The following CELF4 variants were observed in gnomAD, a reference collection of about 807,000 sequenced individuals.
The protein encoded by CELF4 is CUGBP Elav-like family member 4.
A neutral mutation model predicts 59.9 loss-of-function variants in CELF4; 18 were observed. The observed-to-expected ratio is 0.30, with a 90% confidence interval of 0.21 to 0.45. The LOEUF (loss-of-function observed/expected upper bound fraction) is 0.45, where lower values mean the gene tolerates loss of function less well. CELF4 is among the 20% of genes least tolerant of loss of function. The probability of loss-of-function intolerance (pLI) is 1.00; values close to 1 mark genes in which losing one functional copy is unlikely to be tolerated. For synonymous variants in CELF4, 261 were observed against 267.1 expected, an observed-to-expected ratio of 0.98 and a Z score of 0.22; for missense variants, 456 against 689.0, an observed-to-expected ratio of 0.66 and a Z score of 3.79.
At chr18:37,374,646 G>A (rs1456639040) in intron 2 of CELF4, among the ~76,000 whole-genome samples, 4 of 152,186 alleles carry the variant, frequency 2.6e-5, no homozygotes, top group African/African-American at 9.7e-5. Context: ...GAAGACGTGG[G>A]GGCATTGTTC....
chr18:37,364,187 G>A (rs2098746204), intron 2 of CELF4, among the ~76,000 whole-genome samples: 1 of 152,176 alleles, frequency 6.6e-6, no homozygotes. Flanking sequence ...GTCAGTGGGT[G>A]CATGTGCCCC....
At chr18:37,368,875 A>G (rs763823280) in intron 2 of CELF4, among the ~76,000 whole-genome samples, 1 of 152,228 alleles carries the variant, frequency 6.6e-6, no homozygotes, top group African/African-American at 2.4e-5. Flanking sequence ...GTGTGCAAAC[A>G]TGAAGACCTG....
At chr18:37,304,493 A>G (rs766805974) in intron 3 of CELF4, among the ~76,000 whole-genome samples, 24 of 152,242 alleles carry the variant, frequency 1.6e-4, no homozygotes, top group Non-Finnish European at 2.8e-4. Flanking sequence ...GGAGGGCTTC[A>G]TGCAGGAGGT....
chr18:37,494,931 G>C (rs534871286), intron 1 of CELF4, among the ~76,000 whole-genome samples: 1 of 152,304 alleles, frequency 6.6e-6, no homozygotes, highest in South Asian at 2.1e-4. Flanking sequence ...CACCCAAGTA[G>C]AGTCAGCTGA....
intron 2 of CELF4, among the ~76,000 whole-genome samples, chr18:37,449,346 A>T (rs748885972): frequency 6.6e-6 from 1 of 152,144 alleles, no homozygotes; most frequent in Non-Finnish European, 1.5e-5. Context: ...GGACAGGGAA[A>T]GGAAGAAGCG....
intron 2 of CELF4, among the ~76,000 whole-genome samples, chr18:37,424,227 A>G (rs2099598156): frequency 1.3e-5 from 2 of 152,154 alleles, no homozygotes; most frequent in South Asian, 2.1e-4. Context: ...CTTTATCCCA[A>G]GAGGGCTTAT....
intron 1 of CELF4, among the ~76,000 whole-genome samples, chr18:37,563,511 A>G (rs1191561138): frequency 1.3e-5 from 2 of 152,186 alleles, no homozygotes; most frequent in African/African-American, 4.8e-5. Flanking sequence ...AACCTTGATT[A>G]GCTTCTAGGA....
At chr18:37,327,926 G>C (rs139649518) in intron 2 of CELF4, among the ~76,000 whole-genome samples, 139 of 152,310 alleles carry the variant, frequency 9.1e-4, no homozygotes, top group African/African-American at 3.3e-3. Context: ...CCAAAGTCTA[G>C]GTTTGAAGCT....
At chr18:37,505,348 G>T (rs544695949) in intron 1 of CELF4, among the ~76,000 whole-genome samples, 1 of 152,314 alleles carries the variant, frequency 6.6e-6, no homozygotes, top group Admixed American at 6.5e-5. Context: ...TCTCCGCTTA[G>T]ATTCCTGGTT....
chr18:37,349,121 C>G (rs2154552758), intron 2 of CELF4, among the ~76,000 whole-genome samples: 1 of 152,332 alleles, frequency 6.6e-6, no homozygotes, highest in East Asian at 1.9e-4. Context: ...GGGGGAGGTG[C>G]TGGACACAGT....
intron 2 of CELF4, among the ~76,000 whole-genome samples, chr18:37,340,840 C>G (rs2097988508): frequency 6.6e-6 from 1 of 152,212 alleles, no homozygotes; most frequent in Non-Finnish European, 1.5e-5. Context: ...CACAGGCAAC[C>G]CTGGTTTGAA....
chr18:37,402,449 C>T (rs2099341367), intron 2 of CELF4, among the ~76,000 whole-genome samples: 1 of 152,158 alleles, frequency 6.6e-6, no homozygotes, highest in East Asian at 1.9e-4. Context: ...GGAGCTGCCC[C>T]TTCTCTAACC....
intron 1 of CELF4, among the ~76,000 whole-genome samples, chr18:37,543,588 G>A (rs909067255): frequency 2.0e-5 from 3 of 152,200 alleles, no homozygotes; most frequent in African/African-American, 4.8e-5. Context: ...GAGCAAGAAC[G>A]CAGCCTAGGT....
At chr18:37,275,955 A>G (rs1195922970) in intron 3 of CELF4, 1 of 152,262 alleles carries the variant, frequency 6.6e-6, no homozygotes, top group African/African-American at 2.4e-5. Flanking sequence ...TGCCTGGAGC[A>G]CAGGAGGCCC....
At chr18:37,321,963 A>G (rs2154522019) in intron 2 of CELF4, 82 bp from the exon 3 acceptor site, 1 of 1,124,926 alleles carries the variant, frequency 8.9e-7, no homozygotes, top group Non-Finnish European at 1.3e-6. Flanking sequence ...TGCACAGGTG[A>G]ATGCGAGTAT....
chr18:37,366,925 G>A (rs1173450292), intron 2 of CELF4, among the ~76,000 whole-genome samples: 2 of 152,130 alleles, frequency 1.3e-5, no homozygotes, highest in Non-Finnish European at 2.9e-5. Flanking sequence ...TCTTCTGGGT[G>A]GCCCCTTCTT....
At chr18:37,490,884 C>G (rs941225641) in intron 1 of CELF4, among the ~76,000 whole-genome samples, 1 of 152,144 alleles carries the variant, frequency 6.6e-6, no homozygotes, top group Non-Finnish European at 1.5e-5. Context: ...GGATGGTTCT[C>G]CCGGCACCAG....
intron 12 of CELF4, chr18:37,247,338 G>GGAGAGAGA (rs2062609185): frequency 3.0e-5 from 3 of 99,888 alleles, no homozygotes; most frequent in African/African-American, 2.4e-4. Context: ...ATTTATATAT[G>GGAGAGAGA]TAGAGAGAGA....
At chr18:37,405,371 T>G (rs1397226837) in intron 2 of CELF4, among the ~76,000 whole-genome samples, 1 of 152,176 alleles carries the variant, frequency 6.6e-6, no homozygotes, top group Non-Finnish European at 1.5e-5. Flanking sequence ...GCACCCAAGG[T>G]GTGCTCTGCT....
Sources: allele counts gnomAD v4.1 joint callset (sites outside exome capture counted in the v4.1 genomes callset), GRCh38; gene constraint gnomAD v4.1.1; transcripts MANE v1.5; gene names NCBI Gene and HGNC (gene_info 2026-07-23, HGNC 2026-07-21).